The following GINS1 variants were observed in gnomAD, a reference collection of about 807,000 sequenced individuals.
The protein encoded by GINS1 is GINS complex subunit 1, also known as DNA replication complex GINS protein PSF1.
Under a neutral mutation model 34.9 loss-of-function variants are expected in GINS1, and 26 were observed. That is an observed-to-expected ratio of 0.74 (90% confidence interval 0.55 to 1.03). GINS1 has a LOEUF of 1.03. Among genes scored for constraint, GINS1 ranks in the 50% least tolerant of loss-of-function variants. The pLI is 0.00. For missense variants in GINS1, 235 were observed against 237.9 expected (o/e 0.99, Z 0.08); for synonymous variants, 97 against 84.4 (o/e 1.15, Z -0.82).
chr20:25,432,655 T>C (rs1369854926), intron 5 of GINS1, among the ~76,000 whole-genome samples: 2 of 151,720 alleles, frequency 1.3e-5, no homozygotes, highest in African/African-American at 4.8e-5. Flanking sequence ...TTAGTAGAGA[T>C]GGGATTTCGC....
At position 25,409,680 on chromosome 20, in the gene GINS1, G is replaced by A. The variant is rs529719996; in HGVS notation, c.75+1785G>A. Among the ~76,000 whole-genome samples the A allele has an allele frequency of 6.6e-5, 10 of 152,334 alleles. No homozygotes were observed. The East Asian group carries it at 1.9e-3, about 29-fold the overall frequency. On this transcript the variant is annotated intron_variant, in intron 1 of 6. Transcript: ENST00000262460. ...AATTATGGGTCAAGTTAAGGAACTC[G>A]TCTGAATTTACAGCATATTGGAGGT...
chr20:25,439,893 G>C (rs1404712995), intron 5 of GINS1, among the ~76,000 whole-genome samples: 1 of 151,612 alleles, frequency 6.6e-6, no homozygotes, highest in African/African-American at 2.4e-5. Context: ...TACTAGGGAG[G>C]CTGAGGCAGG....
At chr20:25,408,907 T>A in intron 1 of GINS1, 1 of 983,702 alleles carries the variant, frequency 1.0e-6, no homozygotes, top group Non-Finnish European at 1.2e-6. Flanking sequence ...CAGGACACAT[T>A]CTGCTGGAAG....
intron 4 of GINS1, chr20:25,419,772 C>G (rs1455560219): frequency 4.5e-6 from 1 of 220,078 alleles, no homozygotes; most frequent in Non-Finnish European, 9.5e-6. Flanking sequence ...AAGCAATTCT[C>G]CTGCCTCAGC....
chr20:25,431,446 T>A (rs540980545), intron 5 of GINS1, among the ~76,000 whole-genome samples: 1 of 152,212 alleles, frequency 6.6e-6, no homozygotes, highest in South Asian at 2.1e-4. Flanking sequence ...TAGCTTTAGG[T>A]TTAGCTTGCT....
intron 1 of GINS1, among the ~76,000 whole-genome samples, chr20:25,412,744 C>A (rs1166321457): frequency 1.3e-5 from 2 of 152,078 alleles, no homozygotes; most frequent in Non-Finnish European, 2.9e-5. Context: ...GCACCCTGAT[C>A]AAGATTTCTG....
rs530513728 is a variant in GINS1 at position 25,409,080 on chromosome 20, G to T, written c.75+1185G>T. On this transcript the variant is annotated intron_variant, in intron 1 of 6. Coordinates refer to ENST00000262460, the MANE Select transcript of GINS1 (RefSeq NM_021067.5). ...GGTTACTGATCTGAGAAGGAAGCGA[G>T]GCATCCCAGCCAAAGGATGCTGCAG... 9.3e-6 allele frequency: 9 copies of T among 969,812 alleles called. No individual in the cohort carries two copies. In the South Asian group the frequency reaches 4.3e-4, roughly 46 times the overall value. The allele number at this position is 969,812 out of a possible 1,614,324, so 60.1% of individuals were successfully genotyped here.
rs569979727 is a variant in GINS1 at position 25,413,409 on chromosome 20, A to G, written c.76-381A>G. 3 of 164,256 alleles carry G rather than the reference A, an allele frequency of 1.8e-5. No individual in the cohort carries two copies. In the South Asian group the frequency reaches 5.3e-4, roughly 29 times the overall value. 10.2% of individuals were successfully genotyped at this position (164,256 alleles called of 1,614,324 possible). On this transcript the variant is annotated intron_variant, in intron 1 of 6. Transcript: ENST00000262460. ...GGAAGGTTTATCCATCTATCATTTGATGGACGTTTGGGTTGTTTCTACATT... is the reference window on the plus strand; with the variant it reads ...GGAAGGTTTATCCATCTATCATTTGGTGGACGTTTGGGTTGTTTCTACATT...
intron 5 of GINS1, among the ~76,000 whole-genome samples, chr20:25,426,776 C>T (rs772412171): frequency 5.3e-5 from 8 of 152,024 alleles, no homozygotes; most frequent in African/African-American, 1.9e-4. Context: ...CCTCCCTCCT[C>T]GGCCTCCCAA....
In GINS1 at chr20:25,446,250, G is replaced by T. The variant is rs2090511977; in HGVS notation, c.*259G>T. ...CTGTCTCACTATGTTGCCCAAGCTG[G>T]TCTCAAACTCCTGGCCTCAAGCAGT... On this transcript the variant is annotated 3_prime_UTR_variant, in exon 7 of 7. Coordinates refer to ENST00000262460, the MANE Select transcript of GINS1 (RefSeq NM_021067.5). The T allele has an allele frequency of 3.1e-6, 1 of 321,552 alleles. No homozygotes were observed. Among genetic ancestry groups the T allele is most frequent in the African/African-American group, 2.1e-5 (1 of 46,638 alleles). The allele number at this position is 321,552 out of a possible 1,614,324, so 19.9% of individuals were successfully genotyped here.
At chr20:25,431,210 G>T (rs1209985398) in intron 5 of GINS1, among the ~76,000 whole-genome samples, 1 of 152,086 alleles carries the variant, frequency 6.6e-6, no homozygotes, top group Non-Finnish European at 1.5e-5. Flanking sequence ...TTGTTCATAG[G>T]ACTCTTAGAA....
intron 2 of GINS1, among the ~76,000 whole-genome samples, chr20:25,415,685 CAA>C (rs370801254): frequency 2.8e-4 from 14 of 49,150 alleles, no homozygotes; most frequent in East Asian, 7.0e-4. Flanking sequence ...AACTCCATCT[CAA>C]AAAAAAAAAA....
At chr20:25,445,426 A>AAGC (rs2090506294) in intron 6 of GINS1, among the ~76,000 whole-genome samples, 1 of 148,698 alleles carries the variant, frequency 6.7e-6, no homozygotes, top group Admixed American at 6.7e-5. Flanking sequence ...GGCTCACTGC[A>AAGC]AGCTCTGCCT....
intron 5 of GINS1, among the ~76,000 whole-genome samples, chr20:25,428,828 T>G (rs2090408595): frequency 6.6e-6 from 1 of 152,200 alleles, no homozygotes; most frequent in African/African-American, 2.4e-5. Flanking sequence ...TATTCCATTG[T>G]TCTGTACATC....
At chr20:25,417,467 G>A (rs1420718230) in intron 3 of GINS1, among the ~76,000 whole-genome samples, 1 of 151,620 alleles carries the variant, frequency 6.6e-6, no homozygotes, top group East Asian at 1.9e-4. Flanking sequence ...TTTTTTCATC[G>A]TGTTTCACTT....
At position 25,448,161 on chromosome 20, in the gene GINS1, C is replaced by G; in HGVS notation, c.*2170C>G. On this transcript the variant is annotated 3_prime_UTR_variant, in exon 7 of 7. Transcript: ENST00000262460. ...GAAATTAGGATCAATTTGTCAATTT[C>G]TACAACAACAACAACAAAAACCCCT... 1 of 152,112 alleles carries G rather than the reference C, an allele frequency of 6.6e-6. No homozygotes were observed. The highest frequency in any genetic ancestry group is 1.9e-4 in the East Asian group (1 of 5,192). The allele number at this position is 152,112 out of a possible 1,614,324, so 9.4% of individuals were successfully genotyped here.
In GINS1 at chr20:25,407,723, A is replaced by G; in HGVS notation, c.-98A>G. 3 of 919,876 alleles carry G rather than the reference A, an allele frequency of 3.3e-6. No homozygotes were observed. Among genetic ancestry groups the G allele is most frequent in the Non-Finnish European group, 5.3e-6 (3 of 569,908 alleles). 57.0% of individuals were successfully genotyped at this position (919,876 alleles called of 1,614,324 possible). On this transcript the variant is annotated 5_prime_UTR_variant, in exon 1 of 7. Transcript: ENST00000262460. ...GGCCGAGGCGAGAGCCTGGCGCTGT[A>G]GGACTAGAACGAAAGGAGTGAGGCG...
intron 2 of GINS1, among the ~76,000 whole-genome samples, chr20:25,415,258 T>C (rs1299105507): frequency 6.6e-6 from 1 of 152,172 alleles, no homozygotes; most frequent in Non-Finnish European, 1.5e-5. Context: ...CTCAACAGAT[T>C]TGCAGTAAAT....
At chr20:25,421,230 G>A (rs1212117155) in intron 4 of GINS1, among the ~76,000 whole-genome samples, 1 of 152,172 alleles carries the variant, frequency 6.6e-6, no homozygotes, top group South Asian at 2.1e-4. Context: ...CAATGAAAAA[G>A]AGAAAATAAT....
Sources: gnomAD v4.1 joint callset for allele counts (sites outside exome capture counted in the v4.1 genomes callset) on GRCh38, gnomAD v4.1.1 for gene constraint, MANE v1.5 for transcripts, NCBI Gene and HGNC (gene_info 2026-07-23, HGNC 2026-07-21) for gene names.